The following PAK1 variants were observed in gnomAD, a reference collection of about 807,000 sequenced individuals.
The protein encoded by PAK1 is serine/threonine-protein kinase PAK 1.
Under a neutral mutation model 67.4 loss-of-function variants are expected in PAK1, and 29 were observed. The observed-to-expected ratio is 0.43, with a 90% CI of 0.32 to 0.59. The LOEUF (loss-of-function observed/expected upper bound fraction) is 0.59. Ranked by LOEUF, PAK1 falls within the 20% of genes least tolerant of loss-of-function variation. The probability of loss-of-function intolerance (pLI) is 0.07; values close to 1 mark genes in which losing one functional copy is unlikely to be tolerated. For synonymous variants in PAK1, 223 were observed against 237.4 expected, an observed-to-expected ratio of 0.94 and a Z score of 0.56; for missense variants, 337 against 670.7, an observed-to-expected ratio of 0.50 and a Z score of 5.50.
chr11:77,495,545 C>A, the PAK1 span, among the ~76,000 whole-genome samples: 1 of 152,056 alleles, frequency 6.6e-6, no homozygotes. Context: ...TGGATATATA[C>A]CCAAAAGAAT....
the PAK1 span, among the ~76,000 whole-genome samples, chr11:77,483,107 G>C: frequency 1.4e-4 from 21 of 151,410 alleles, no homozygotes; most frequent in African/African-American, 5.1e-4. Flanking sequence ...TGAGGCAGGA[G>C]AATCGCTTGA....
intron 1 of PAK1, among the ~76,000 whole-genome samples, chr11:77,400,520 G>T (rs1026387076): frequency 6.6e-6 from 1 of 152,176 alleles, no homozygotes; most frequent in African/African-American, 2.4e-5. Flanking sequence ...AGGACTCAGT[G>T]ATGCCTTGAG....
intron 6 of PAK1, among the ~76,000 whole-genome samples, chr11:77,357,455 C>T (rs932372372): frequency 6.6e-6 from 1 of 152,188 alleles, no homozygotes; most frequent in Non-Finnish European, 1.5e-5. Flanking sequence ...GGCACCTAAA[C>T]CTGTACTTCC....
At chr11:77,462,170 CA>C (rs772738894) in intron 1 of PAK1, among the ~76,000 whole-genome samples, 150 of 145,798 alleles carry the variant, frequency 1.0e-3, no homozygotes, top group Non-Finnish European at 1.4e-3. Flanking sequence ...ACTAAAAATA[CA>C]AAAAAAAAAA....
At chr11:77,452,209 G>A (rs750535364) in intron 1 of PAK1, among the ~76,000 whole-genome samples, 7 of 152,172 alleles carry the variant, frequency 4.6e-5, no homozygotes, top group African/African-American at 7.2e-5. Flanking sequence ...GTGAGGCAGA[G>A]TATCAACATA....
chr11:77,385,087 C>T (rs756605035), intron 2 of PAK1, among the ~76,000 whole-genome samples: 11 of 152,042 alleles, frequency 7.2e-5, no homozygotes, highest in Non-Finnish European at 1.6e-4. Context: ...AAGGTAATTA[C>T]CAAAAACTGG....
the PAK1 span, among the ~76,000 whole-genome samples, chr11:77,503,711 A>G: frequency 3.3e-5 from 5 of 152,196 alleles, no homozygotes; most frequent in African/African-American, 7.2e-5. Context: ...AAAAAAGTTT[A>G]AAAATTTTCT....
At chr11:77,524,650 GT>G in the PAK1 span, among the ~76,000 whole-genome samples, 2 of 152,178 alleles carry the variant, frequency 1.3e-5, no homozygotes, top group Non-Finnish European at 2.9e-5. Context: ...CTAAAATCCT[GT>G]TTATTCACAG....
At chr11:77,507,057 A>G in the PAK1 span, among the ~76,000 whole-genome samples, 2 of 152,228 alleles carry the variant, frequency 1.3e-5, no homozygotes, top group Non-Finnish European at 2.9e-5. Context: ...TGAATGACCG[A>G]GTATGGATCT....
chr11:77,324,748 T>TAC (rs1219039191), intron 14 of PAK1, among the ~76,000 whole-genome samples: 10 of 93,070 alleles, frequency 1.1e-4, no homozygotes, highest in South Asian at 3.3e-4. Context: ...TGTATATATG[T>TAC]ATACACACAC....
intron 1 of PAK1, among the ~76,000 whole-genome samples, chr11:77,439,641 T>C (rs1426063601): frequency 1.3e-5 from 2 of 152,236 alleles, no homozygotes; most frequent in African/African-American, 4.8e-5. Flanking sequence ...TTTCTGGTCC[T>C]ATCCTTTCTC....
intron 1 of PAK1, among the ~76,000 whole-genome samples, chr11:77,452,680 A>G (rs1956910280): frequency 6.6e-6 from 1 of 152,214 alleles, no homozygotes; most frequent in Non-Finnish European, 1.5e-5. Context: ...TCAGCACCAA[A>G]GAGTAGAAAT....
At chr11:77,400,832 G>A (rs1384877814) in intron 1 of PAK1, among the ~76,000 whole-genome samples, 2 of 152,198 alleles carry the variant, frequency 1.3e-5, no homozygotes, top group Non-Finnish European at 2.9e-5. Context: ...TAATTCGTCA[G>A]CTACCGTTTG....
At chr11:77,388,091 T>C (rs964409651) in intron 2 of PAK1, among the ~76,000 whole-genome samples, 6 of 152,244 alleles carry the variant, frequency 3.9e-5, no homozygotes, top group Admixed American at 6.5e-5. Flanking sequence ...TTAGATCATT[T>C]TGCAAGAACT....
chr11:77,410,426 A>T (rs1228291028), intron 1 of PAK1, among the ~76,000 whole-genome samples: 1 of 152,192 alleles, frequency 6.6e-6, no homozygotes, highest in African/African-American at 2.4e-5. Context: ...CCTGGGGAAG[A>T]TAGAATTTGG....
chr11:77,479,702 G>A, the PAK1 span, among the ~76,000 whole-genome samples: 1 of 149,016 alleles, frequency 6.7e-6, no homozygotes, highest in Admixed American at 6.9e-5. Flanking sequence ...CCGTCTCCTG[G>A]GCTCAAGCGA....
chr11:77,408,787 C>CA (rs887236882), intron 1 of PAK1, among the ~76,000 whole-genome samples: 17 of 150,874 alleles, frequency 1.1e-4, no homozygotes, highest in Non-Finnish European at 1.8e-4. Flanking sequence ...AACTTAATAG[C>CA]AAAAAAAACA....
At chr11:77,386,443 C>T (rs1013038851) in intron 2 of PAK1, among the ~76,000 whole-genome samples, 5 of 152,260 alleles carry the variant, frequency 3.3e-5, no homozygotes, top group African/African-American at 9.6e-5. Flanking sequence ...TTAGAATAAA[C>T]CAAAGGCTCC....
intron 1 of PAK1, among the ~76,000 whole-genome samples, chr11:77,456,866 C>A (rs1201279509): frequency 1.3e-5 from 2 of 151,954 alleles, no homozygotes; most frequent in Non-Finnish European, 2.9e-5. Flanking sequence ...CTCAGCCTCT[C>A]GAGTACCTGG....
Sources: allele counts gnomAD v4.1 joint callset (sites outside exome capture counted in the v4.1 genomes callset), GRCh38; gene constraint gnomAD v4.1.1; transcripts MANE v1.5; gene names NCBI Gene and HGNC (gene_info 2026-07-23, HGNC 2026-07-21).